The following CD247 variants were observed in gnomAD, a reference collection of about 807,000 sequenced individuals.
CD247 encodes the protein CD247 molecule, also known as T-cell surface glycoprotein CD3 zeta chain.
CD247 carries 13 observed loss-of-function variants against 30.0 expected under a neutral mutation model. The ratio of observed to expected loss-of-function variants is 0.43; its 90% CI spans 0.28 to 0.69. CD247 has a LOEUF of 0.69. Ranked by LOEUF, CD247 falls within the 30% of genes least tolerant of loss-of-function variation. CD247 has a pLI of 0.16. For synonymous variants in CD247, 72 were observed against 80.0 expected (o/e 0.90, Z 0.53); for missense variants, 193 against 212.6 (o/e 0.91, Z 0.57).
At chr1:167,506,272 CTTTTCTTTTCTTTTCTTTTTTCT>C (rs1655121384) in intron 1 of CD247, among the ~76,000 whole-genome samples, 6 of 11,438 alleles carry the variant, frequency 5.2e-4, no homozygotes, top group South Asian at 1.5e-3. Context: ...TTTTCTTTTC[CTTTTCTTTTCTTTTCTTTTTTCT>C]TTTCTTTTCC....
intron 1 of CD247, among the ~76,000 whole-genome samples, chr1:167,449,992 T>TTATTTCATATATTCA (rs1317199705): frequency 1.3e-5 from 2 of 152,214 alleles, no homozygotes; most frequent in African/African-American, 4.8e-5. Flanking sequence ...AGACTTCATG[T>TTATTTCATATATTCA]TATTTCATAT....
chr1:167,476,338 T>C (rs1057471208), intron 1 of CD247, among the ~76,000 whole-genome samples: 2 of 152,136 alleles, frequency 1.3e-5, no homozygotes, highest in South Asian at 2.1e-4. Context: ...ACCAAGCAAA[T>C]AGAATGAGCC....
intron 1 of CD247, among the ~76,000 whole-genome samples, chr1:167,490,689 T>G (rs984201662): frequency 3.3e-5 from 5 of 152,088 alleles, no homozygotes; most frequent in African/African-American, 1.2e-4. Flanking sequence ...TCCCAGCCCT[T>G]TGGGAGGCTG....
At chr1:167,516,757 T>G (rs917869552) in intron 1 of CD247, among the ~76,000 whole-genome samples, 1 of 152,210 alleles carries the variant, frequency 6.6e-6, no homozygotes, top group African/African-American at 2.4e-5. Flanking sequence ...CCAGCCAATG[T>G]GCAGTTTTCT....
chr1:167,504,038 T>C (rs1188923782), intron 1 of CD247, among the ~76,000 whole-genome samples: 4 of 152,146 alleles, frequency 2.6e-5, no homozygotes, highest in African/African-American at 9.7e-5. Context: ...CAAGCAAATA[T>C]GAGGGAGACC....
intron 1 of CD247, among the ~76,000 whole-genome samples, chr1:167,501,072 T>TC (rs1654884049): frequency 6.7e-6 from 1 of 150,302 alleles, no homozygotes; most frequent in African/African-American, 2.4e-5. Context: ...TTTTTTTTTT[T>TC]TGACCGAGTT....
chr1:167,513,394 G>A, intron 1 of CD247, among the ~76,000 whole-genome samples: 2 of 152,158 alleles, frequency 1.3e-5, no homozygotes, highest in South Asian at 4.2e-4. Flanking sequence ...GGGCTGGCTT[G>A]GTAGGAATTT....
chr1:167,467,865 A>G (rs1653329187), intron 1 of CD247, among the ~76,000 whole-genome samples: 1 of 152,186 alleles, frequency 6.6e-6, no homozygotes, highest in South Asian at 2.1e-4. Context: ...CATTCCAGAC[A>G]TTTGGTAACA....
At chr1:167,439,004 C>T (rs1190500896) in intron 3 of CD247, among the ~76,000 whole-genome samples, 1 of 152,110 alleles carries the variant, frequency 6.6e-6, no homozygotes, top group Non-Finnish European at 1.5e-5. Context: ...AATCGCTTTC[C>T]CCTCCTCTGG....
At chr1:167,462,210 T>A (rs1271171445) in intron 1 of CD247, among the ~76,000 whole-genome samples, 1 of 152,154 alleles carries the variant, frequency 6.6e-6, no homozygotes, top group African/African-American at 2.4e-5. Flanking sequence ...GGTTTAAGAT[T>A]CTCCTTTGAT....
Position 167,431,235 on chromosome 1 carries a change from A to C in CD247, c.*446T>G, listed in dbSNP as rs1651250829. The C allele has an allele frequency of 6.0e-6, 3 of 503,458 alleles. No individual in the cohort carries two copies. Among genetic ancestry groups the C allele is most frequent in the African/African-American group, 1.9e-5 (1 of 52,674 alleles). 31.2% of individuals were successfully genotyped at this position (503,458 alleles called of 1,614,324 possible). ...GGCCCAGTACAGTTACCTTGAAAGG[A>C]GGTGAAGGTGACAACAGAAGCCAAA... On this transcript the variant is annotated 3_prime_UTR_variant, in exon 8 of 8. Transcript: ENST00000362089.
At chr1:167,468,257 A>ATTACAGGC in intron 1 of CD247, among the ~76,000 whole-genome samples, 1 of 152,218 alleles carries the variant, frequency 6.6e-6, no homozygotes, top group Non-Finnish European at 1.5e-5. Context: ...CAGTAAAAGG[A>ATTACAGGC]AAGAAAAAAG....
At position 167,518,399 on chromosome 1, in the gene CD247, C is replaced by T. The variant is rs774727014; in HGVS notation, c.58+9G>A. The T allele has an allele frequency of 1.1e-5, 17 of 1,613,796 alleles. No homozygotes were observed. Among genetic ancestry groups the T allele is most frequent in the Non-Finnish European group, 1.1e-5 (13 of 1,179,788 alleles). The stretch of plus-strand genomic sequence containing the variant: ...TAGAAGTTCCCTGCCGTCGACACGT[C>T]GGCCCTACCTGTAATCGGCAACTGT... On this transcript the variant is annotated intron_variant, in intron 1 of 7. Transcript: ENST00000362089.
chr1:167,457,501 G>T (rs540789166), intron 1 of CD247: 13 of 152,442 alleles, frequency 8.5e-5, no homozygotes, highest in African/African-American at 3.1e-4. Flanking sequence ...GCAAAGCCTG[G>T]AAGGGGAGCC....
At chr1:167,491,116 A>G (rs1451807831) in intron 1 of CD247, among the ~76,000 whole-genome samples, 2 of 152,186 alleles carry the variant, frequency 1.3e-5, no homozygotes, top group African/African-American at 4.8e-5. Flanking sequence ...TAAAAAATTT[A>G]TATCACCCTT....
At chr1:167,439,938 CT>C in intron 2 of CD247, 1 of 168,600 alleles carries the variant, frequency 5.9e-6, no homozygotes, top group South Asian at 1.5e-4. Context: ...CTGACACAGC[CT>C]CACTCCTGCT....
chr1:167,512,588 A>AC (rs1655433797), intron 1 of CD247, among the ~76,000 whole-genome samples: 2 of 152,244 alleles, frequency 1.3e-5, no homozygotes, highest in Non-Finnish European at 2.9e-5. Context: ...TGACAGAGGA[A>AC]GAAAAAAAGC....
intron 1 of CD247, among the ~76,000 whole-genome samples, chr1:167,506,248 TTTC>T (rs1655115071): frequency 6.3e-5 from 2 of 31,932 alleles, no homozygotes; most frequent in Admixed American, 3.5e-4. Context: ...TTCTTTTCCT[TTTC>T]TTTTCTTTTC....
chr1:167,488,245 T>C (rs988567047), intron 1 of CD247, among the ~76,000 whole-genome samples: 1 of 152,258 alleles, frequency 6.6e-6, no homozygotes, highest in African/African-American at 2.4e-5. Flanking sequence ...ATTTTGAAGA[T>C]AATTTTACTG....
Sources: allele counts gnomAD v4.1 joint callset (sites outside exome capture counted in the v4.1 genomes callset), GRCh38; gene constraint gnomAD v4.1.1; transcripts MANE v1.5; gene names NCBI Gene and HGNC (gene_info 2026-07-23, HGNC 2026-07-21).